Variants in LURAP1L observed in about 807,000 individuals in gnomAD.
LURAP1L encodes leucine rich adaptor protein 1 like.
Under a neutral mutation model 13.8 loss-of-function variants are expected in LURAP1L, and 12 were observed. The observed-to-expected ratio is 0.87, with a 90% CI of 0.56 to 1.41. The LOEUF (loss-of-function observed/expected upper bound fraction) is 1.41, where lower values mean the gene tolerates loss of function less well. LURAP1L is among the 40% of genes most tolerant of loss of function. LURAP1L has a pLI of 0.00. For synonymous variants in LURAP1L, 139 were observed against 119.2 expected, an observed-to-expected ratio of 1.17 and a Z score of -1.08; for missense variants, 375 against 292.9, an observed-to-expected ratio of 1.28 and a Z score of -2.04.
At chr9:12,811,099 C>T (rs1430422278) in intron 1 of LURAP1L, among the ~76,000 whole-genome samples, 1 of 152,130 alleles carries the variant, frequency 6.6e-6, no homozygotes, top group African/African-American at 2.4e-5. Flanking sequence ...ACCTAAGTAA[C>T]TTTTATTACC....
intron 1 of LURAP1L, among the ~76,000 whole-genome samples, chr9:12,804,879 C>T (rs1819635304): frequency 1.3e-5 from 2 of 152,000 alleles, no homozygotes; most frequent in Non-Finnish European, 2.9e-5. Flanking sequence ...ACTCTGGCGA[C>T]TCACTACCTA....
In LURAP1L at chr9:12,820,511, CCCCA is replaced by C. The variant is rs1245833487; in HGVS notation, c.313-874_313-871del. ...GATCGAGACTCCGTCCCCCCCCCCC[CCCCA>C]AAAAAAAAAAAGGACCACACACCTA... is the stretch of plus-strand genomic sequence containing the variant. On this transcript the variant is annotated intron_variant, in intron 1 of 1. Transcript: ENST00000319264. 3.5e-3 allele frequency among the ~76,000 whole-genome samples: 311 copies of C among 88,818 alleles called. 4 individuals carry two copies. The highest frequency in any genetic ancestry group is 0.013 in the African/African-American group (302 of 22,398). The allele number at this position is 88,818 out of a possible 152,430, so 58.3% of individuals were successfully genotyped here. A position where few individuals can be genotyped will look rare whatever the true frequency, so the allele number is the denominator to read the frequency against.
At chr9:12,787,625 A>G (rs1449673967) in intron 1 of LURAP1L, among the ~76,000 whole-genome samples, 3 of 152,174 alleles carry the variant, frequency 2.0e-5, no homozygotes, top group Admixed American at 6.5e-5. Context: ...ATCAATGAGC[A>G]CTTCTCTGGC....
At chr9:12,820,537 C>T (rs918628650) in intron 1 of LURAP1L, among the ~76,000 whole-genome samples, 8 of 132,772 alleles carry the variant, frequency 6.0e-5, no homozygotes, top group African/African-American at 1.7e-4. Flanking sequence ...GGACCACACA[C>T]CTAGAAGGCA....
intron 1 of LURAP1L, among the ~76,000 whole-genome samples, chr9:12,787,874 G>A (rs979789664): frequency 6.6e-6 from 1 of 151,982 alleles, no homozygotes; most frequent in Non-Finnish European, 1.5e-5. Flanking sequence ...GCACTTTGGG[G>A]GTTGAGGCAG....
intron 1 of LURAP1L, among the ~76,000 whole-genome samples, chr9:12,807,118 T>TATATA (rs1563896115): frequency 7.5e-6 from 1 of 133,746 alleles, no homozygotes; most frequent in Non-Finnish European, 1.6e-5. Context: ...TATATATATA[T>TATATA]TAGCCGGGCG....
At chr9:12,819,357 C>T (rs957657317) in intron 1 of LURAP1L, among the ~76,000 whole-genome samples, 142 of 152,286 alleles carry the variant, frequency 9.3e-4, no homozygotes, top group African/African-American at 3.2e-3. Context: ...AATCTTGCAT[C>T]TCTTGCAGTT....
At chr9:12,780,470 T>C (rs1043373647) in intron 1 of LURAP1L, among the ~76,000 whole-genome samples, 1 of 152,208 alleles carries the variant, frequency 6.6e-6, no homozygotes, top group Admixed American at 6.5e-5. Flanking sequence ...CTGTGGTGGA[T>C]GTTGAGATAT....
At chr9:12,800,752 GA>G (rs1487596725) in intron 1 of LURAP1L, among the ~76,000 whole-genome samples, 1 of 152,170 alleles carries the variant, frequency 6.6e-6, no homozygotes, top group Non-Finnish European at 1.5e-5. Flanking sequence ...GGCCTCCTCA[GA>G]AGCTGAGCAG....
At chr9:12,787,970 G>A (rs1221456266) in intron 1 of LURAP1L, among the ~76,000 whole-genome samples, 2 of 151,786 alleles carry the variant, frequency 1.3e-5, no homozygotes, top group East Asian at 3.9e-4. Flanking sequence ...AAATTAGCCG[G>A]GTGTGGTGGT....
chr9:12,793,302 T>A (rs1819469000), intron 1 of LURAP1L, among the ~76,000 whole-genome samples: 1 of 152,086 alleles, frequency 6.6e-6, no homozygotes, highest in Admixed American at 6.6e-5. Context: ...TATACCAATA[T>A]GTTTAATATA....
Position 12,775,750 on chromosome 9 carries a change from T to A in LURAP1L, c.35T>A (p.Ile12Asn). The A allele has an allele frequency of 6.2e-7, 1 of 1,604,040 alleles. No individual in the cohort carries two copies. The highest frequency in any genetic ancestry group is 8.5e-7 in the Non-Finnish European group (1 of 1,176,890). The change falls in exon 1 of 2, where the codon ATC becomes AAC. Residue 12 changes from isoleucine (I) to asparagine (N), a missense_variant. Transcript: ENST00000319264. ...AGCCCGCTGCCAGACCTCAGAGACA[T>A]CGAGCTGAAGCTGGGGCGCAAAGTA... ...EDSPLPDLRD[I>N]ELKLGRKVPE...
chr9:12,813,456 T>C (rs1049251487), intron 1 of LURAP1L, among the ~76,000 whole-genome samples: 1 of 152,126 alleles, frequency 6.6e-6, no homozygotes, highest in Non-Finnish European at 1.5e-5. Context: ...ATGTTTATGT[T>C]TAAGGACATT....
At chr9:12,798,371 C>T (rs1286815563) in intron 1 of LURAP1L, among the ~76,000 whole-genome samples, 6 of 152,136 alleles carry the variant, frequency 3.9e-5, no homozygotes, top group African/African-American at 1.4e-4. Flanking sequence ...CTATGGACAA[C>T]ACTATGACAT....
Position 12,821,443 on chromosome 9 carries a change from A to T in LURAP1L, c.370A>T (p.Ser124Cys). Residue 124 changes from serine to cysteine, a missense_variant, in exon 2 of 2, where the codon AGC becomes TGC. Transcript: ENST00000319264. ...GCGCCAGTTGCTTGTAATCAATGAG[A>T]GCATCGAGTCCATCAAGTGGATGAT... ...LMRQLLVINESIESIKWMIEE... is the reference protein window; with the variant it reads ...LMRQLLVINECIESIKWMIEE... 6.2e-7 allele frequency: 1 copy of T among 1,614,078 alleles called. No individual in the cohort carries two copies. The highest frequency in any genetic ancestry group is 8.5e-7 in the Non-Finnish European group (1 of 1,180,008).
At chr9:12,815,245 C>G (rs1016979463) in intron 1 of LURAP1L, among the ~76,000 whole-genome samples, 2 of 152,088 alleles carry the variant, frequency 1.3e-5, no homozygotes, top group African/African-American at 4.8e-5. Context: ...CAAATTTGAA[C>G]ACAAGGAGCT....
At chr9:12,793,202 A>C (rs1207281803) in intron 1 of LURAP1L, among the ~76,000 whole-genome samples, 1 of 152,016 alleles carries the variant, frequency 6.6e-6, no homozygotes, top group Non-Finnish European at 1.5e-5. Context: ...TAGCCTGAGA[A>C]ATTATAAAAT....
intron 1 of LURAP1L, among the ~76,000 whole-genome samples, chr9:12,808,683 T>C (rs1316512164): frequency 6.6e-6 from 1 of 152,196 alleles, no homozygotes; most frequent in African/African-American, 2.4e-5. Flanking sequence ...GAATATAATA[T>C]GCCTAGATAT....
chr9:12,777,444 A>G (rs1819203824), intron 1 of LURAP1L: 2 of 985,422 alleles, frequency 2.0e-6, no homozygotes, highest in Non-Finnish European at 2.4e-6. Context: ...AACTCTGCAA[A>G]TTAAGGACTT....
Sources: allele counts gnomAD v4.1 joint callset (sites outside exome capture counted in the v4.1 genomes callset), GRCh38; gene constraint gnomAD v4.1.1; transcripts MANE v1.5; gene names NCBI Gene and HGNC (gene_info 2026-07-23, HGNC 2026-07-21).